The following CALHM4 variants were observed in gnomAD, a reference collection of about 807,000 sequenced individuals.
The protein encoded by CALHM4 is calcium homeostasis modulator family member 4.
In CALHM4, 16 loss-of-function variants were observed where a neutral mutation model predicts 13.3. That is an observed-to-expected ratio of 1.20 (90% confidence interval 0.81 to 1.82). The LOEUF (loss-of-function observed/expected upper bound fraction) is 1.82. Among genes scored for constraint, CALHM4 ranks in the 40% most tolerant of loss-of-function variants. The probability of loss-of-function intolerance (pLI) is 0.00; values close to 1 mark genes in which losing one functional copy is unlikely to be tolerated. For synonymous variants in CALHM4, 127 were observed against 137.1 expected (o/e 0.93, Z 0.52); for missense variants, 344 against 374.9 (o/e 0.92, Z 0.68).
chr6:116,536,029 T>C (rs1307558424), intron 1 of CALHM4, among the ~76,000 whole-genome samples: 2 of 152,150 alleles, frequency 1.3e-5, no homozygotes, highest in Non-Finnish European at 2.9e-5. Flanking sequence ...ATAAAGAAAA[T>C]ATCAATGCTA....
At chr6:116,536,845 C>A (rs930030708) in intron 1 of CALHM4, among the ~76,000 whole-genome samples, 1 of 152,172 alleles carries the variant, frequency 6.6e-6, no homozygotes, top group African/African-American at 2.4e-5. Flanking sequence ...TGGCCTAGTT[C>A]TCTGTAAAAC....
chr6:116,553,998 G>C lies in CALHM4; in HGVS notation c.205G>C (p.Ala69Pro). The C allele has an allele frequency of 6.4e-7, 1 of 1,550,616 alleles. No homozygotes were observed. Among genetic ancestry groups the C allele is most frequent in the African/African-American group, 1.4e-5 (1 of 73,126 alleles). Reference sequence around the variant, plus strand: ...CTTGATCCTTCTCGTTGCTGGCTTTGCTCTGAGAAGCCAAATGTGGACAAT... The same window carrying C: ...CTTGATCCTTCTCGTTGCTGGCTTTCCTCTGAGAAGCCAAATGTGGACAAT... ...PALILLVAGFALRSQMWTITG... is the reference protein window; with the variant it reads ...PALILLVAGFPLRSQMWTITG... Residue 69 changes from alanine to proline, a missense_variant, in exon 1 of 2, where the codon GCT becomes CCT. Coordinates refer to ENST00000368596, the MANE Select transcript of CALHM4 (RefSeq NM_001366078.2).
upstream of CALHM4, among the ~76,000 whole-genome samples, chr6:116,550,802 C>T (rs1293817581): frequency 6.6e-6 from 1 of 152,096 alleles, no homozygotes; most frequent in African/African-American, 2.4e-5. Flanking sequence ...TTCCATCATC[C>T]CTGTCCTAGT....
chr6:116,559,783 T>TTA lies in CALHM4; in HGVS notation c.*1583_*1584dup, dbSNP rs145154797. Among the ~76,000 whole-genome samples, 7 of 152,178 alleles carry TTA rather than the reference T, an allele frequency of 4.6e-5. No homozygotes were observed. The highest frequency in any genetic ancestry group is 8.8e-5 in the Non-Finnish European group (6 of 67,992). ...TCAAGTACGATTTTTATGTTTATGTTTATATATATATACAGGTCAATATGC... is the reference window on the plus strand; with the variant it reads ...TCAAGTACGATTTTTATGTTTATGTTTATATATATATATACAGGTCAATATGC... On this transcript the variant is annotated 3_prime_UTR_variant, in exon 2 of 2. Coordinates refer to ENST00000368596, the MANE Select transcript of CALHM4 (RefSeq NM_001366078.2).
At position 116,542,540 on chromosome 6, in the gene CALHM4, T is replaced by C. The variant is rs965533897; in HGVS notation, c.-108-1225T>C. Among the ~76,000 whole-genome samples, 5 of 152,154 alleles carry C rather than the reference T, an allele frequency of 3.3e-5. No individual in the cohort carries two copies. The South Asian group carries it at 8.3e-4, about 25-fold the overall frequency. ...AGTACACATTTTCCAGTCTTTCCTC[T>C]GTTAGAGTCCTCTTCAGAGTTTATA... On this transcript the variant is annotated intron_variant, in intron 1 of 2. Coordinates refer to the CALHM4 transcript ENST00000368597.
chr6:116,537,997 C>T (rs902761475), intron 1 of CALHM4, among the ~76,000 whole-genome samples: 1 of 152,182 alleles, frequency 6.6e-6, no homozygotes, highest in African/African-American at 2.4e-5. Context: ...GAAAGTTTTA[C>T]ATGAGACTTC....
upstream of CALHM4, among the ~76,000 whole-genome samples, chr6:116,553,446 A>G (rs185248130): frequency 2.1e-3 from 316 of 152,274 alleles, 1 homozygote; most frequent in African/African-American, 6.9e-3. Flanking sequence ...TCAATGCTCT[A>G]TTTGCTGGTG....
intron 2 of CALHM4, chr6:116,545,648 C>T: frequency 4.6e-6 from 3 of 653,846 alleles, no homozygotes; most frequent in South Asian, 2.9e-5. Flanking sequence ...GCTGCTTCTG[C>T]ACTCTGCTGC....
Position 116,554,211 on chromosome 6 carries a change from G to C in CALHM4, c.418G>C (p.Asp140His). ...TGCAGCAAGTGAATTTGCATCTGTG[G>C]ACCATTACCCAATGTTTGATAATGT... The part of the protein sequence containing the change: ...ECAASEFASV[D>H]HYPMFDNVSA... The change falls in exon 1 of 2, where the codon GAC (aspartate) becomes CAC (histidine). Residue 140 changes from aspartate to histidine, a missense_variant. Transcript: ENST00000368596. The C allele has an allele frequency of 1.3e-6, 2 of 1,550,506 alleles. No homozygotes were observed. The highest frequency in any genetic ancestry group is 1.7e-6 in the Non-Finnish European group (2 of 1,146,974).
rs1294736865 is a variant in CALHM4, at chr6:116,559,860, A to T, written c.*1649A>T. On this transcript the variant is annotated 3_prime_UTR_variant, in exon 2 of 2. Transcript: ENST00000368596. The stretch of plus-strand genomic sequence containing the variant: ...CCCACGTTGCTTCTCTTGGAAGGAA[A>T]ATGTCCCCAACTCTGAATCTGAGCT... Among the ~76,000 whole-genome samples, 1 of 152,154 alleles carries T rather than the reference A, an allele frequency of 6.6e-6. No individual in the cohort carries two copies. Among genetic ancestry groups the T allele is most frequent in the East Asian group, 1.9e-4 (1 of 5,202 alleles).
chr6:116,547,900 A>G (rs1280816839), intron 2 of CALHM4, among the ~76,000 whole-genome samples: 3 of 152,200 alleles, frequency 2.0e-5, no homozygotes, highest in Non-Finnish European at 4.4e-5. Flanking sequence ...AACCCAAGTA[A>G]ATGGTGAATT....
chr6:116,554,049 G>A lies in CALHM4; in HGVS notation c.256G>A (p.Ala86Thr), dbSNP rs1433077308. The change falls in exon 1 of 2, where the codon GCC (alanine) becomes ACC (threonine). Residue 86 changes from alanine (A) to threonine (T), a missense_variant. Physicochemically the swap from Ala to Thr is moderately conservative, Grantham distance 58. Transcript: ENST00000368596. ...TACCGGTGAATACTGCTGCAGCTGT[G>A]CCCCTCCATACAGGAGAATCAGCCC... The part of the protein sequence containing the change: ...TITGEYCCSC[A>T]PPYRRISPLE... 6.4e-7 allele frequency: 1 copy of A among 1,550,614 alleles called. No individual in the cohort carries two copies. Among genetic ancestry groups the A allele is most frequent in the Non-Finnish European group, 8.7e-7 (1 of 1,147,010 alleles).
chr6:116,555,907 T>C (rs9488968), intron 1 of CALHM4, among the ~76,000 whole-genome samples: 2 of 152,184 alleles, frequency 1.3e-5, no homozygotes. Flanking sequence ...TAAGTGCAAA[T>C]TGAATGATGA....
At chr6:116,539,962 C>T (rs1281808135) in intron 1 of CALHM4, among the ~76,000 whole-genome samples, 1 of 152,082 alleles carries the variant, frequency 6.6e-6, no homozygotes, top group African/African-American at 2.4e-5. Context: ...GAAAACAATA[C>T]TCTGGGAATG....
chr6:116,548,674 G>A (rs756405122), intron 2 of CALHM4, among the ~76,000 whole-genome samples: 3 of 152,068 alleles, frequency 2.0e-5, no homozygotes, highest in Non-Finnish European at 4.4e-5. Flanking sequence ...GTTATATCCC[G>A]ACAAACCATT....
chr6:116,558,034 CG>C lies in CALHM4; in HGVS notation c.771del (p.Ser258ValfsTer55). ...RIKKLFGFIPGSEDVKHIRIP... is the reference protein window; with the variant it reads ...RIKKLFGFIPXSEDVKHIRIP... ...TAAAGAAGCTATTTGGCTTCATTCCCGGGAGTGAAGACGTCAAACACATCCG... is the reference window on the plus strand; with the variant it reads ...TAAAGAAGCTATTTGGCTTCATTCCCGGAGTGAAGACGTCAAACACATCCG... On this transcript the variant is annotated frameshift_variant, in exon 2 of 2. Coordinates refer to ENST00000368596, the MANE Select transcript of CALHM4 (RefSeq NM_001366078.2). LOFTEE classifies it high-confidence loss of function. 6.2e-7 allele frequency: 1 copy of C among 1,614,134 alleles called. No homozygotes were observed. The highest frequency in any genetic ancestry group is 2.2e-5 in the East Asian group (1 of 44,872).
At chr6:116,534,672 T>G (rs1370528310) in intron 1 of CALHM4, among the ~76,000 whole-genome samples, 1 of 152,228 alleles carries the variant, frequency 6.6e-6, no homozygotes, top group Non-Finnish European at 1.5e-5. Flanking sequence ...TTCCCTGCTT[T>G]AGGCACCCTC....
intron 1 of CALHM4, among the ~76,000 whole-genome samples, chr6:116,538,844 CT>C (rs1318349132): frequency 1.3e-5 from 2 of 152,062 alleles, no homozygotes; most frequent in East Asian, 3.9e-4. Context: ...CCATCCACCC[CT>C]CTCAGCTTTC....
intron 1 of CALHM4, among the ~76,000 whole-genome samples, chr6:116,530,376 CAG>C (rs1252368239): frequency 3.3e-5 from 5 of 152,022 alleles, no homozygotes; most frequent in Non-Finnish European, 7.4e-5. Context: ...AGAAAACACA[CAG>C]AATGTCAAGA....
Sources: gnomAD v4.1 joint callset for allele counts (sites outside exome capture counted in the v4.1 genomes callset) on GRCh38, gnomAD v4.1.1 for gene constraint, MANE v1.5 for transcripts, NCBI Gene and HGNC (gene_info 2026-07-23, HGNC 2026-07-21) for gene names.